Variants in AFF3 observed in about 807,000 individuals in gnomAD.
AFF3 encodes the protein ALF transcription elongation factor 3, also known as AF4/FMR2 family member 3.
A neutral mutation model predicts 129.7 loss-of-function variants in AFF3; 32 were observed. That is an observed-to-expected ratio of 0.25 (90% confidence interval 0.19 to 0.33). AFF3 has a LOEUF of 0.33. Ranked by LOEUF, AFF3 falls within the 10% of genes least tolerant of loss-of-function variation. The pLI, the probability that AFF3 is intolerant of heterozygous loss-of-function variation, is 1.00. For synonymous variants in AFF3, 644 were observed against 635.4 expected (o/e 1.01, Z -0.20); for missense variants, 1,373 against 1,592.0 (o/e 0.86, Z 2.34).
intron 7 of AFF3, among the ~76,000 whole-genome samples, chr2:99,967,288 C>T (rs918608048): frequency 2.0e-5 from 3 of 150,108 alleles, no homozygotes; most frequent in East Asian, 2.0e-4. Context: ...CTCTTGACCA[C>T]CCCCCCGCCC....
chr2:99,721,154 C>T (rs1189592944), intron 11 of AFF3, among the ~76,000 whole-genome samples: 1 of 152,030 alleles, frequency 6.6e-6, no homozygotes, highest in Admixed American at 6.5e-5. Context: ...TAGTGTAGGC[C>T]TACTGGAAAT....
At chr2:99,952,125 T>A (rs1306779933) in intron 7 of AFF3, among the ~76,000 whole-genome samples, 1 of 152,190 alleles carries the variant, frequency 6.6e-6, no homozygotes, top group African/African-American at 2.4e-5. Flanking sequence ...TAATTCCCAA[T>A]GTTGGAGGTG....
intron 4 of AFF3, among the ~76,000 whole-genome samples, chr2:100,067,673 T>TA (rs1352187182): frequency 6.6e-6 from 1 of 152,208 alleles, no homozygotes; most frequent in Non-Finnish European, 1.5e-5. Context: ...TTTTTCTAGA[T>TA]ATCTTAAGAC....
At chr2:99,964,355 G>A (rs1677521825) in intron 7 of AFF3, among the ~76,000 whole-genome samples, 1 of 152,120 alleles carries the variant, frequency 6.6e-6, no homozygotes, top group African/African-American at 2.4e-5. Flanking sequence ...CATATTCTGT[G>A]CTACAGAACA....
intron 1 of AFF3, among the ~76,000 whole-genome samples, chr2:100,139,616 GC>G (rs1284278698): frequency 6.6e-6 from 1 of 152,174 alleles, no homozygotes; most frequent in African/African-American, 2.4e-5. Flanking sequence ...ACAAACACCT[GC>G]TTGTATTTTA....
chr2:99,845,171 A>G lies in AFF3; in HGVS notation c.874-7647T>C, dbSNP rs112768698. The stretch of plus-strand genomic sequence containing the variant: ...TAAGTACAGAAACCATTAACAAGTC[A>G]TTTGACTTCCCTAATTCCCACATTG... On this transcript the variant is annotated intron_variant, in intron 7 of 24. Coordinates refer to ENST00000672756, the MANE Select transcript of AFF3 (RefSeq NM_001386135.1). Among the ~76,000 whole-genome samples, 881 of 152,322 alleles carry G rather than the reference A, an allele frequency of 5.8e-3. 8 individuals carry two copies. Among genetic ancestry groups the G allele is most frequent in the African/African-American group, 0.021 (853 of 41,570 alleles).
intron 11 of AFF3, among the ~76,000 whole-genome samples, chr2:99,675,504 T>C (rs528440542): frequency 2.0e-5 from 3 of 152,240 alleles, no homozygotes; most frequent in Non-Finnish European, 4.4e-5. Flanking sequence ...CTGATGGTCA[T>C]GAGCAGGCCC....
chr2:100,061,483 C>G (rs538552489), intron 4 of AFF3, among the ~76,000 whole-genome samples: 1 of 152,032 alleles, frequency 6.6e-6, no homozygotes, highest in African/African-American at 2.4e-5. Flanking sequence ...AACAACTGGC[C>G]AGCATGGAAA....
At chr2:100,032,701 G>C (rs924925416) in intron 4 of AFF3, among the ~76,000 whole-genome samples, 1 of 151,940 alleles carries the variant, frequency 6.6e-6, no homozygotes, top group Non-Finnish European at 1.5e-5. Context: ...CCACTGCTCC[G>C]CGGTGCCAAT....
At chr2:100,106,124 G>A (rs1467682330) in intron 2 of AFF3, 9 of 1,252,964 alleles carry the variant, frequency 7.2e-6, no homozygotes, top group African/African-American at 1.5e-5. Flanking sequence ...TTTGAGATCG[G>A]ATTTGAGAAT....
chr2:99,553,653 C>T (rs1455316352), intron 24 of AFF3, among the ~76,000 whole-genome samples: 1 of 151,958 alleles, frequency 6.6e-6, no homozygotes, highest in African/African-American at 2.4e-5. Flanking sequence ...GTGGCTCACG[C>T]CTGTAATCCC....
chr2:100,009,326 C>CTT (rs397932898), intron 4 of AFF3, among the ~76,000 whole-genome samples: 18 of 144,870 alleles, frequency 1.2e-4, no homozygotes, highest in South Asian at 4.4e-4. Context: ...TGCTCCTGTT[C>CTT]TTTTTTTTTT....
intron 7 of AFF3, among the ~76,000 whole-genome samples, chr2:99,986,132 C>T (rs1390735957): frequency 2.0e-5 from 3 of 150,766 alleles, no homozygotes; most frequent in Non-Finnish European, 3.0e-5. Flanking sequence ...ACCCAGGAGG[C>T]GGAGCTTGCC....
chr2:100,029,110 T>C (rs1407265196), intron 4 of AFF3, among the ~76,000 whole-genome samples: 2 of 152,188 alleles, frequency 1.3e-5, no homozygotes, highest in African/African-American at 4.8e-5. Context: ...TCCTAATATG[T>C]GGTCAATGTG....
At chr2:99,806,098 T>G (rs1686330166) in intron 8 of AFF3, among the ~76,000 whole-genome samples, 1 of 152,120 alleles carries the variant, frequency 6.6e-6, no homozygotes, top group Non-Finnish European at 1.5e-5. Context: ...AACCACAGGC[T>G]AAACCCTCAT....
chr2:99,549,657 C>T lies in AFF3; in HGVS notation c.*1817G>A, dbSNP rs1184889038. The T allele has an allele frequency of 4.8e-6, 1 of 210,326 alleles. No individual in the cohort carries two copies. Among genetic ancestry groups the T allele is most frequent in the African/African-American group, 2.3e-5 (1 of 44,064 alleles). The allele number at this position is 210,326 out of a possible 1,614,324, so 13.0% of individuals were successfully genotyped here. ...AAAATGGAAATTCTCTTAATATTTCCAAATGCTTGAAGGCCAAAGCCAAAT... is the reference window on the plus strand; with the variant it reads ...AAAATGGAAATTCTCTTAATATTTCTAAATGCTTGAAGGCCAAAGCCAAAT... On this transcript the variant is annotated 3_prime_UTR_variant, in exon 25 of 25. Coordinates refer to ENST00000672756, the MANE Select transcript of AFF3 (RefSeq NM_001386135.1).
intron 5 of AFF3, among the ~76,000 whole-genome samples, chr2:100,008,222 C>G (rs1270666441): frequency 6.6e-6 from 1 of 152,070 alleles, no homozygotes; most frequent in Non-Finnish European, 1.5e-5. Context: ...CAAGAGATGT[C>G]AATGTGAAGC....
chr2:100,065,435 A>T (rs1179805447), intron 4 of AFF3, among the ~76,000 whole-genome samples: 1 of 152,366 alleles, frequency 6.6e-6, no homozygotes, highest in African/African-American at 2.4e-5. Flanking sequence ...CGATATGCAT[A>T]TTTATAGAAA....
At chr2:100,066,159 T>C (rs1019737154) in intron 4 of AFF3, among the ~76,000 whole-genome samples, 4 of 152,152 alleles carry the variant, frequency 2.6e-5, no homozygotes, top group Non-Finnish European at 5.9e-5. Flanking sequence ...GGGAAGAAAG[T>C]AGAAACTCTA....
Sources: allele counts gnomAD v4.1 joint callset (sites outside exome capture counted in the v4.1 genomes callset), GRCh38; gene constraint gnomAD v4.1.1; transcripts MANE v1.5; gene names NCBI Gene and HGNC (gene_info 2026-07-23, HGNC 2026-07-21).